Variants in ZKSCAN8 observed in about 807,000 individuals in gnomAD.
ZKSCAN8 encodes the protein zinc finger protein with KRAB and SCAN domains 8.
Under a neutral mutation model 57.2 loss-of-function variants are expected in ZKSCAN8, and 27 were observed. That is an observed-to-expected ratio of 0.47 (90% confidence interval 0.35 to 0.65). The LOEUF (loss-of-function observed/expected upper bound fraction) is 0.65, where lower values mean the gene tolerates loss of function less well. Ranked by LOEUF, ZKSCAN8 falls within the 30% of genes least tolerant of loss-of-function variation. ZKSCAN8 has a pLI of 0.01. For synonymous variants in ZKSCAN8, 214 were observed against 248.7 expected, an observed-to-expected ratio of 0.86 and a Z score of 1.31; for missense variants, 597 against 696.3, an observed-to-expected ratio of 0.86 and a Z score of 1.60.
intron 3 of ZKSCAN8, 27 bp downstream of exon 3, chr6:28,149,651 A>T: frequency 1.2e-6 from 2 of 1,611,390 alleles, no homozygotes; most frequent in Non-Finnish European, 1.7e-6. Context: ...CATTGATGAT[A>T]AGGGGGGGAA....
Position 28,148,297 on chromosome 6 carries a change from T to C in ZKSCAN8, c.-92-19T>C. ...TGACTTTTGACTTGCCTTAACACTA[T>C]CATATTTTCTTCATGAAGAAGTACC... On this transcript the variant is annotated intron_variant, in intron 1 of 5. Coordinates refer to ENST00000330236, the MANE Select transcript of ZKSCAN8 (RefSeq NM_006298.4). The C allele has an allele frequency of 8.5e-7, 1 of 1,179,716 alleles. No homozygotes were observed. Among genetic ancestry groups the C allele is most frequent in the Non-Finnish European group, 1.2e-6 (1 of 857,784 alleles). 73.1% of individuals were successfully genotyped at this position (1,179,716 alleles called of 1,614,324 possible).
At position 28,151,953 on chromosome 6, in the gene ZKSCAN8, C is replaced by T. The variant is rs752822103; in HGVS notation, c.651+17C>T. On this transcript the variant is annotated intron_variant, in intron 4 of 5. Coordinates refer to ENST00000330236, the MANE Select transcript of ZKSCAN8 (RefSeq NM_006298.4). Reference sequence around the variant, plus strand: ...GGGTTCCAGGTGAGTTGTGCTCCTTCTCACTGAAACGCCATAGCTGTGCTT... The same window carrying T: ...GGGTTCCAGGTGAGTTGTGCTCCTTTTCACTGAAACGCCATAGCTGTGCTT... The T allele has an allele frequency of 2.5e-6, 4 of 1,610,782 alleles. 1 individual carries two copies. The highest frequency in any genetic ancestry group is 8.5e-7 in the Non-Finnish European group (1 of 1,176,958).
In ZKSCAN8 at chr6:28,156,151, A is replaced by G. The variant is rs923799883; in HGVS notation, c.*2134A>G. 5 of 398,228 alleles carry G rather than the reference A, an allele frequency of 1.3e-5. No homozygotes were observed. The highest frequency in any genetic ancestry group is 2.2e-5 in the Non-Finnish European group (5 of 225,906). 24.7% of individuals were successfully genotyped at this position (398,228 alleles called of 1,614,324 possible). ...GGGTGCATTGTCAGAGGGAAAATAT[A>G]TGTGTATGTACACATGTGTATGTAC... On this transcript the variant is annotated 3_prime_UTR_variant, in exon 6 of 6. Transcript: ENST00000330236.
At position 28,151,829 on chromosome 6, in the gene ZKSCAN8, T is replaced by C; in HGVS notation, c.560-16T>C. 1 of 1,609,124 alleles carries C rather than the reference T, an allele frequency of 6.2e-7. No homozygotes were observed. The highest frequency in any genetic ancestry group is 8.5e-7 in the Non-Finnish European group (1 of 1,175,466). ...GGACAGGACTGGTCTCATTCATAGC[T>C]CCTTTCTCCTCTCAGCCATGTCTAC... On this transcript the variant is annotated splice_polypyrimidine_tract_variant and intron_variant, in intron 3 of 5. Transcript: ENST00000330236.
chr6:28,152,941 A>G, intron 5 of ZKSCAN8, 115 bp from the exon 6 acceptor site: 1 of 1,438,150 alleles, frequency 7.0e-7, no homozygotes, highest in Non-Finnish European at 9.4e-7. Context: ...TTTTGTGTTT[A>G]CTTATAGCTG....
chr6:28,147,938 G>A (rs1212209075), intron 1 of ZKSCAN8, among the ~76,000 whole-genome samples: 5 of 152,194 alleles, frequency 3.3e-5, no homozygotes, highest in Admixed American at 6.5e-5. Context: ...GAGCTGAAGC[G>A]TGTAGAACCA....
chr6:28,151,837 C>T lies in ZKSCAN8; in HGVS notation c.560-8C>T, dbSNP rs201268228. 163 of 1,613,028 alleles carry T rather than the reference C, an allele frequency of 1.0e-4. No homozygotes were observed. Among genetic ancestry groups the T allele is most frequent in the Non-Finnish European group, 7.1e-5 (84 of 1,178,996 alleles). Reference sequence around the variant, plus strand: ...CTGGTCTCATTCATAGCTCCTTTCTCCTCTCAGCCATGTCTACTTCCCAGA... The same window carrying T: ...CTGGTCTCATTCATAGCTCCTTTCTTCTCTCAGCCATGTCTACTTCCCAGA... On this transcript the variant is annotated splice_polypyrimidine_tract_variant and splice_region_variant and intron_variant, in intron 3 of 5. Transcript: ENST00000330236.
Position 28,153,764 on chromosome 6 carries a change from G to T in ZKSCAN8, c.1484G>T (p.Cys495Phe). The stretch of plus-strand genomic sequence containing the variant: ...GAGAAACCCTACAAATGCAATGAGT[G>T]TGGGAGGGCCTTCAGTCAGAAGTCA... ...TGEKPYKCNE[C>F]GRAFSQKSGL... The change falls in exon 6 of 6, where the codon TGT becomes TTT. Residue 495 changes from cysteine to phenylalanine, a missense_variant. Physicochemically the swap from Cys to Phe is radical, Grantham distance 205. Transcript: ENST00000330236. 1 of 1,614,034 alleles carries T rather than the reference G, an allele frequency of 6.2e-7. No individual in the cohort carries two copies. Among genetic ancestry groups the T allele is most frequent in the Non-Finnish European group, 8.5e-7 (1 of 1,179,932 alleles).
At chr6:28,148,271 A>G (rs1321530601) in intron 1 of ZKSCAN8, 45 bp from the exon 2 acceptor site, 3 of 909,084 alleles carry the variant, frequency 3.3e-6, no homozygotes, top group South Asian at 1.9e-5. Context: ...GTTAGTTACA[A>G]TGACTTTTGA....
chr6:28,154,701 C>T lies in ZKSCAN8; in HGVS notation c.*684C>T, dbSNP rs184407777. 3 of 152,774 alleles carry T rather than the reference C, an allele frequency of 2.0e-5. No individual in the cohort carries two copies. The highest frequency in any genetic ancestry group is 2.0e-4 in the Admixed American group (3 of 15,280). 9.5% of individuals were successfully genotyped at this position (152,774 alleles called of 1,614,324 possible). ...TGAGTCATTGAGCATCTGTACATAT[C>T]CTTCACCACCCCCAGTCCCAGCACC... On this transcript the variant is annotated 3_prime_UTR_variant, in exon 6 of 6. Coordinates refer to ENST00000330236, the MANE Select transcript of ZKSCAN8 (RefSeq NM_006298.4).
In ZKSCAN8 at chr6:28,156,070, A is replaced by G; in HGVS notation, c.*2053A>G. On this transcript the variant is annotated 3_prime_UTR_variant, in exon 6 of 6. Transcript: ENST00000330236. Reference sequence around the variant, plus strand: ...TTTCAGTTGTGCCTTACCCTCTGTAAGATACTGATTCTTCCTGGGGCCAGT... The same window carrying G: ...TTTCAGTTGTGCCTTACCCTCTGTAGGATACTGATTCTTCCTGGGGCCAGT... 2.5e-6 allele frequency: 1 copy of G among 398,128 alleles called. No homozygotes were observed. Among genetic ancestry groups the G allele is most frequent in the Non-Finnish European group, 4.4e-6 (1 of 225,708 alleles). The allele number at this position is 398,128 out of a possible 1,614,324, so 24.7% of individuals were successfully genotyped here. A position where few individuals can be genotyped will look rare whatever the true frequency, so the allele number is the denominator to read the frequency against.
chr6:28,150,855 G>A (rs1765568324), intron 3 of ZKSCAN8, among the ~76,000 whole-genome samples: 1 of 152,104 alleles, frequency 6.6e-6, no homozygotes, highest in Non-Finnish European at 1.5e-5. Context: ...CATCCAGGCT[G>A]GAGTACAGTG....
intron 3 of ZKSCAN8, among the ~76,000 whole-genome samples, chr6:28,150,189 T>G (rs1765548431): frequency 6.6e-6 from 1 of 152,178 alleles, no homozygotes; most frequent in African/African-American, 2.4e-5. Flanking sequence ...CACTTTGTGG[T>G]TAGTTGTCAT....
intron 1 of ZKSCAN8, among the ~76,000 whole-genome samples, chr6:28,143,612 T>A (rs1765291735): frequency 6.6e-6 from 1 of 152,140 alleles, no homozygotes; most frequent in South Asian, 2.1e-4. Context: ...CCATTATGGA[T>A]GAGGATTGCT....
At position 28,148,412 on chromosome 6, in the gene ZKSCAN8, C is replaced by A. The variant is rs780725960; in HGVS notation, c.5C>A (p.Ala2Asp). 3 of 1,608,776 alleles carry A rather than the reference C, an allele frequency of 1.9e-6. No homozygotes were observed. The South Asian group carries it at 3.3e-5, about 18-fold the overall frequency. ...TCCTGAGCTTTTCAGGCTCTAATGG[C>A]TGAAGAATCAAGAAAGCCTTCAGCC... M[A>D]EESRKPSAPS... Residue 2 changes from alanine (A) to aspartate (D), a missense_variant, in exon 2 of 6, where the codon GCT becomes GAT. Transcript: ENST00000330236.
At position 28,154,390 on chromosome 6, in the gene ZKSCAN8, T is replaced by G. The variant is rs1012801295; in HGVS notation, c.*373T>G. 3 of 176,194 alleles carry G rather than the reference T, an allele frequency of 1.7e-5. No homozygotes were observed. Among genetic ancestry groups the G allele is most frequent in the African/African-American group, 7.1e-5 (3 of 42,090 alleles). The allele number at this position is 176,194 out of a possible 1,614,324, so 10.9% of individuals were successfully genotyped here. On this transcript the variant is annotated 3_prime_UTR_variant, in exon 6 of 6. Coordinates refer to ENST00000330236, the MANE Select transcript of ZKSCAN8 (RefSeq NM_006298.4). ...TTCCTGTGCTTCTTCCCATCTCCTG[T>G]GATCCCCCTCTCCCATTTATTCCCT...
chr6:28,145,621 A>G (rs1018002620), intron 1 of ZKSCAN8, among the ~76,000 whole-genome samples: 6 of 152,164 alleles, frequency 3.9e-5, no homozygotes, highest in Non-Finnish European at 8.8e-5. Flanking sequence ...GTCCAAAATC[A>G]GAGTGTCGCC....
At chr6:28,152,440 T>C in intron 5 of ZKSCAN8, 56 bp downstream of exon 5, 1 of 1,559,530 alleles carries the variant, frequency 6.4e-7, no homozygotes, top group South Asian at 1.3e-5. Flanking sequence ...GTTTGTTGTT[T>C]ATGTGTATAG....
chr6:28,153,275 C>T lies in ZKSCAN8; in HGVS notation c.995C>T (p.Ala332Val), dbSNP rs377511142. Reference protein sequence around the residue: ...HKCDECGKSFAQSSGLVRHWR... With the variant: ...HKCDECGKSFVQSSGLVRHWR... ...TGTGATGAATGTGGGAAAAGCTTTG[C>T]TCAGAGCTCAGGCCTTGTTCGCCAC... The change falls in exon 6 of 6, where the codon GCT becomes GTT. Residue 332 changes from alanine to valine, a missense_variant. Ala to Val is a moderately conservative substitution (Grantham distance 64, BLOSUM62 0). Coordinates refer to ENST00000330236, the MANE Select transcript of ZKSCAN8 (RefSeq NM_006298.4). 4.3e-6 allele frequency: 7 copies of T among 1,614,104 alleles called. No individual in the cohort carries two copies. Among genetic ancestry groups the T allele is most frequent in the African/African-American group, 4.0e-5 (3 of 74,928 alleles).
Sources: allele counts gnomAD v4.1 joint callset (sites outside exome capture counted in the v4.1 genomes callset), GRCh38; gene constraint gnomAD v4.1.1; transcripts MANE v1.5; gene names NCBI Gene and HGNC (gene_info 2026-07-23, HGNC 2026-07-21).